GCA: variants seen among roughly 807,000 people sequenced by gnomAD.
The protein encoded by GCA is grancalcin, EF-hand calcium-binding protein.
A neutral mutation model predicts 32.6 loss-of-function variants in GCA; 30 were observed. That is an observed-to-expected ratio of 0.92 (90% CI 0.69 to 1.25). The LOEUF is 1.25. GCA is among the 50% of genes most tolerant of loss of function. GCA has a pLI of 0.00. For synonymous variants in GCA, 102 were observed against 84.6 expected (o/e 1.21, Z -1.13); for missense variants, 291 against 266.8 (o/e 1.09, Z -0.63).
At chr2:162,348,784 AT>A (rs1039128410) in intron 2 of GCA, among the ~76,000 whole-genome samples, 1 of 152,052 alleles carries the variant, frequency 6.6e-6, no homozygotes, top group African/African-American at 2.4e-5. Flanking sequence ...TTTTATATAT[AT>A]TTTTCATGTG....
intron 2 of GCA, among the ~76,000 whole-genome samples, chr2:162,350,060 A>T (rs1684912511): frequency 6.6e-6 from 1 of 152,218 alleles, no homozygotes; most frequent in Non-Finnish European, 1.5e-5. Flanking sequence ...TTATTATGTA[A>T]TAGAGGCTGG....
chr2:162,321,364 A>T (rs1383971904), intron 1 of GCA, among the ~76,000 whole-genome samples: 1 of 152,102 alleles, frequency 6.6e-6, no homozygotes, highest in East Asian at 1.9e-4. Flanking sequence ...GCAACTTTTC[A>T]TTTGAGTTTT....
At chr2:162,364,325 A>T (rs1685685531), downstream of GCA, among the ~76,000 whole-genome samples, 1 of 151,514 alleles carries the variant, frequency 6.6e-6, no homozygotes, top group South Asian at 2.1e-4. Flanking sequence ...TTTTGAAAAT[A>T]ATAAGCCATT....
chr2:162,342,008 GAA>G (rs1684469417), upstream of GCA, among the ~76,000 whole-genome samples: 1 of 152,092 alleles, frequency 6.6e-6, no homozygotes, highest in Admixed American at 6.5e-5. Flanking sequence ...TTTATTAAAA[GAA>G]AAATATTTAA....
chr2:162,359,577 A>G lies in GCA; in HGVS notation c.627+25A>G, dbSNP rs752255206. ...TGTGAGTATCCTGCTTTTGATATTT[A>G]TACTGCATTCTAGATAGTTCTCAGT... On this transcript the variant is annotated intron_variant, in intron 7 of 7. Transcript: ENST00000437150. 36 of 1,296,480 alleles carry G rather than the reference A, an allele frequency of 2.8e-5. No homozygotes were observed. In the East Asian group the frequency reaches 7.8e-4, roughly 28 times the overall value. 80.3% of individuals were successfully genotyped at this position (1,296,480 alleles called of 1,614,324 possible).
Position 162,330,673 on chromosome 2 carries a change from G to T in GCA, c.-31+11448G>T, listed in dbSNP as rs1684045293. On this transcript the variant is annotated intron_variant, in intron 1 of 4. Transcript: ENST00000429691. ...CAGTCTCCATGGTTAGAACTTTAGT[G>T]TCAGTTATTTTTCTTTTCAAACCCA... Among the ~76,000 whole-genome samples the T allele has an allele frequency of 1.3e-5, 2 of 152,198 alleles. 1 individual carries two copies. Among genetic ancestry groups the T allele is most frequent in the South Asian group, 4.1e-4 (2 of 4,834 alleles).
At chr2:162,336,759 A>G (rs1684283815) in intron 1 of GCA, among the ~76,000 whole-genome samples, 2 of 152,228 alleles carry the variant, frequency 1.3e-5, no homozygotes. Context: ...TTTACAATTT[A>G]TCTGGATTTT....
intron 1 of GCA, among the ~76,000 whole-genome samples, chr2:162,329,332 G>C (rs1259646533): frequency 6.6e-6 from 1 of 152,180 alleles, no homozygotes; most frequent in African/African-American, 2.4e-5. Flanking sequence ...TAAAGTAAGA[G>C]AGTAGGAAGG....
chr2:162,344,153 T>C lies in GCA; in HGVS notation c.-96T>C. On this transcript the variant is annotated 5_prime_UTR_variant, in exon 1 of 8. Coordinates refer to ENST00000437150, the MANE Select transcript of GCA (RefSeq NM_012198.5). ...GGTTAGTGCGCCTTTCAGCCTCACC[T>C]GCAGCTGCGCCTCCTTGCACCTGCG... The C allele has an allele frequency of 1.5e-6, 2 of 1,339,236 alleles. No individual in the cohort carries two copies. The highest frequency in any genetic ancestry group is 2.1e-6 in the Non-Finnish European group (2 of 935,554). 83.0% of individuals were successfully genotyped at this position (1,339,236 alleles called of 1,614,324 possible).
chr2:162,364,999 T>G (rs1315619550), downstream of GCA, among the ~76,000 whole-genome samples: 2 of 151,530 alleles, frequency 1.3e-5, no homozygotes, highest in Non-Finnish European at 3.0e-5. Flanking sequence ...ATCTTACTAG[T>G]GTCCTGATGG....
At chr2:162,324,610 A>C (rs1296287145) in intron 1 of GCA, among the ~76,000 whole-genome samples, 1 of 152,148 alleles carries the variant, frequency 6.6e-6, no homozygotes, top group Non-Finnish European at 1.5e-5. Context: ...GGGGCATGGC[A>C]GGCTACGGTG....
At chr2:162,322,972 G>T (rs1007170067) in intron 1 of GCA, among the ~76,000 whole-genome samples, 1 of 151,856 alleles carries the variant, frequency 6.6e-6, no homozygotes, top group African/African-American at 2.4e-5. Flanking sequence ...AGATCCCTGA[G>T]GAATCACCAC....
Position 162,344,212 on chromosome 2 carries a change from C to T in GCA, c.-37C>T. On this transcript the variant is annotated 5_prime_UTR_variant, in exon 1 of 8. Transcript: ENST00000437150. ...TTTTCTCCCAGCACTGCGGACGCGA[C>T]TCGAGGGTGACGCTCGCTCCGCTCG... The T allele has an allele frequency of 6.2e-7, 1 of 1,613,408 alleles. No homozygotes were observed. The highest frequency in any genetic ancestry group is 8.5e-7 in the Non-Finnish European group (1 of 1,179,632).
intron 6 of GCA, 30 bp downstream of exon 6, chr2:162,359,187 TGTTATGTA>T (rs1685445259): frequency 8.6e-7 from 1 of 1,168,312 alleles, no homozygotes; most frequent in Non-Finnish European, 1.3e-6. Context: ...AAGTGCACAG[TGTTATGTA>T]GCTATTTTTC....
intron 4 of GCA, among the ~76,000 whole-genome samples, chr2:162,368,670 C>T (rs1685831692): frequency 6.6e-6 from 1 of 151,964 alleles, no homozygotes. Flanking sequence ...CATATTAAAC[C>T]TGACCTCAAA....
chr2:162,359,603 T>G (rs1272242754), intron 7 of GCA, 51 bp downstream of exon 7: 2 of 914,460 alleles, frequency 2.2e-6, no homozygotes, highest in East Asian at 5.2e-5. Context: ...AGTTCTCAGT[T>G]AGTAAAAAAA....
chr2:162,339,910 T>A (rs978558288), upstream of GCA, among the ~76,000 whole-genome samples: 1 of 152,236 alleles, frequency 6.6e-6, no homozygotes, highest in African/African-American at 2.4e-5. Flanking sequence ...GTACGTACTT[T>A]CTTAAGTGTT....
At chr2:162,322,390 T>TTTAC (rs1683703836) in intron 1 of GCA, among the ~76,000 whole-genome samples, 1 of 138,578 alleles carries the variant, frequency 7.2e-6, no homozygotes, top group African/African-American at 3.1e-5. Flanking sequence ...TTTTACTTTA[T>TTTAC]TTATTTATTT....
downstream of GCA, among the ~76,000 whole-genome samples, chr2:162,366,807 G>A (rs950598138): frequency 1.3e-5 from 2 of 151,938 alleles, no homozygotes; most frequent in African/African-American, 4.8e-5. Flanking sequence ...ACAAATATAA[G>A]GATGCTATCT....
Sources: gnomAD v4.1 joint callset for allele counts (sites outside exome capture counted in the v4.1 genomes callset) on GRCh38, gnomAD v4.1.1 for gene constraint, MANE v1.5 for transcripts, NCBI Gene and HGNC (gene_info 2026-07-23, HGNC 2026-07-21) for gene names.